GPD2: variants seen among roughly 807,000 people sequenced by gnomAD.
GPD2 encodes glycerol-3-phosphate dehydrogenase, mitochondrial.
Under a neutral mutation model 82.4 loss-of-function variants are expected in GPD2, and 54 were observed. That is an observed-to-expected ratio of 0.66 (90% CI 0.53 to 0.82). GPD2 has a LOEUF of 0.82. Among genes scored for constraint, GPD2 ranks in the 40% least tolerant of loss-of-function variants. The pLI is 0.00. For missense variants in GPD2, 748 were observed against 896.2 expected (o/e 0.83, Z 2.11); for synonymous variants, 288 against 306.1 (o/e 0.94, Z 0.62).
intron 6 of GPD2, among the ~76,000 whole-genome samples, chr2:156,536,213 G>T (rs370657861): frequency 6.6e-6 from 1 of 152,188 alleles, no homozygotes; most frequent in Non-Finnish European, 1.5e-5. Flanking sequence ...TTTTACAAAA[G>T]CATCTTTGTG....
At chr2:156,416,590 TG>T in the GPD2 span, among the ~76,000 whole-genome samples, 17 of 150,688 alleles carry the variant, frequency 1.1e-4, no homozygotes, top group African/African-American at 1.7e-4. Context: ...CTCAAACTCC[TG>T]GGCTCAAGCA....
chr2:156,451,562 G>A (rs1211818654), intron 1 of GPD2, among the ~76,000 whole-genome samples: 1 of 139,558 alleles, frequency 7.2e-6, no homozygotes, highest in East Asian at 2.3e-4. Context: ...CTGGCCGGGC[G>A]GGGGTCTGAC....
intron 13 of GPD2, 102 bp from the exon 14 acceptor site, chr2:156,578,787 A>G: frequency 1.3e-6 from 1 of 757,116 alleles, no homozygotes. Flanking sequence ...TGGTTAGATA[A>G]GTAAGGATCA....
At chr2:156,509,525 G>A (rs146832176) in intron 3 of GPD2, among the ~76,000 whole-genome samples, 92 of 152,160 alleles carry the variant, frequency 6.0e-4, no homozygotes, top group African/African-American at 2.2e-3. Context: ...AACTCCTCAT[G>A]GCTTGGTGTC....
intron 1 of GPD2, among the ~76,000 whole-genome samples, chr2:156,469,029 G>T (rs554574271): frequency 9.2e-5 from 14 of 152,238 alleles, no homozygotes; most frequent in Admixed American, 7.9e-4. Context: ...GTCTCCATGA[G>T]TTCATTTGTT....
the GPD2 span, among the ~76,000 whole-genome samples, chr2:156,425,972 G>GA: frequency 1.3e-5 from 2 of 150,106 alleles, no homozygotes; most frequent in African/African-American, 2.4e-5. Flanking sequence ...GCCCAGGCTG[G>GA]AGTGCAGTGG....
intron 6 of GPD2, among the ~76,000 whole-genome samples, chr2:156,526,307 C>A (rs548113133): frequency 9.5e-4 from 145 of 152,232 alleles, no homozygotes; most frequent in African/African-American, 3.3e-3. Flanking sequence ...ATCCACTAGT[C>A]TGATCTGTGT....
chr2:156,578,743 T>C, intron 13 of GPD2, 146 bp from the exon 14 acceptor site: 1 of 633,388 alleles, frequency 1.6e-6, no homozygotes. Context: ...TAAATTATAC[T>C]TCAATGAAAC....
chr2:156,484,786 G>T (rs966352510), intron 2 of GPD2, among the ~76,000 whole-genome samples: 1 of 152,150 alleles, frequency 6.6e-6, no homozygotes, highest in Non-Finnish European at 1.5e-5. Flanking sequence ...GTTGTAGTGA[G>T]CCGAGATCGC....
rs566272467 is a variant in GPD2, at chr2:156,457,961, C to T, written c.-8-18137C>T. Among the ~76,000 whole-genome samples the T allele has an allele frequency of 9.2e-5, 14 of 152,366 alleles. No individual in the cohort carries two copies. In the East Asian group the frequency reaches 2.5e-3, roughly 27 times the overall value. ...GAGGAAACTAAAGCTCATAGTCACA[C>T]AGCTAGTAAGTGGCTAAGTTGGAAT... On this transcript the variant is annotated intron_variant, in intron 1 of 16. Transcript: ENST00000438166.
intron 1 of GPD2, among the ~76,000 whole-genome samples, chr2:156,442,901 G>T (rs1249699252): frequency 6.6e-6 from 1 of 152,146 alleles, no homozygotes; most frequent in African/African-American, 2.4e-5. Flanking sequence ...TCTGCTCCAT[G>T]CTTCCATGGA....
intron 1 of GPD2, among the ~76,000 whole-genome samples, chr2:156,468,887 G>A (rs1200029440): frequency 6.6e-6 from 1 of 152,054 alleles, no homozygotes; most frequent in Non-Finnish European, 1.5e-5. Context: ...ATTGTTGACT[G>A]CAGTCACCCT....
Position 156,583,051 on chromosome 2 carries a change from A to C in GPD2, c.*133A>C. On this transcript the variant is annotated 3_prime_UTR_variant, in exon 17 of 17. Coordinates refer to ENST00000438166, the MANE Select transcript of GPD2 (RefSeq NM_000408.5). ...TTTTTAACACTAGAAAACATTCCAA[A>C]ACTTTAAGGTGTTGGTGTATTTGCC... The C allele has an allele frequency of 1.1e-6, 1 of 934,584 alleles. No individual in the cohort carries two copies. The highest frequency in any genetic ancestry group is 1.7e-6 in the Non-Finnish European group (1 of 589,140). 57.9% of individuals were successfully genotyped at this position (934,584 alleles called of 1,614,324 possible).
rs567118179 is a variant in GPD2 at position 156,452,527 on chromosome 2, A to C, written c.-9+16014A>C. 3.4e-3 allele frequency among the ~76,000 whole-genome samples: 521 copies of C among 152,208 alleles called. 6 individuals carry two copies. The highest frequency in any genetic ancestry group is 3.3e-3 in the Non-Finnish European group (221 of 67,998). On this transcript the variant is annotated intron_variant, in intron 1 of 16. Coordinates refer to ENST00000438166, the MANE Select transcript of GPD2 (RefSeq NM_000408.5). ...AGCTTCGGCTCGGCATCAGAGGGAG[A>C]CCATGGAAAGAGAGGGAGAGGGAGA... is the stretch of plus-strand genomic sequence containing the variant.
intron 6 of GPD2, among the ~76,000 whole-genome samples, chr2:156,538,356 C>T (rs1686159486): frequency 6.6e-6 from 1 of 152,050 alleles, no homozygotes; most frequent in Non-Finnish European, 1.5e-5. Flanking sequence ...ACATTGTTGT[C>T]CTTGCAGGAG....
chr2:156,497,648 A>G (rs1684433972), intron 3 of GPD2, among the ~76,000 whole-genome samples: 1 of 151,414 alleles, frequency 6.6e-6, no homozygotes, highest in African/African-American at 2.4e-5. Flanking sequence ...AATGAGGTCT[A>G]CACACACACA....
intron 1 of GPD2, among the ~76,000 whole-genome samples, chr2:156,461,366 T>C (rs1367029837): frequency 6.6e-6 from 1 of 152,134 alleles, no homozygotes; most frequent in Non-Finnish European, 1.5e-5. Flanking sequence ...ATCATTGTAC[T>C]GATTAAAATT....
intron 1 of GPD2, among the ~76,000 whole-genome samples, chr2:156,470,236 C>A (rs1030406408): frequency 6.6e-6 from 1 of 151,846 alleles, no homozygotes; most frequent in African/African-American, 2.4e-5. Context: ...GCTCTGTCGC[C>A]CAGGCTGGAG....
intron 3 of GPD2, among the ~76,000 whole-genome samples, chr2:156,503,790 G>A (rs1168776877): frequency 6.6e-6 from 1 of 152,158 alleles, no homozygotes; most frequent in Non-Finnish European, 1.5e-5. Context: ...TTGTTTACCT[G>A]TGGATTTTGT....
Sources: gnomAD v4.1 joint callset for allele counts (sites outside exome capture counted in the v4.1 genomes callset) on GRCh38, gnomAD v4.1.1 for gene constraint, MANE v1.5 for transcripts, NCBI Gene and HGNC (gene_info 2026-07-23, HGNC 2026-07-21) for gene names.